The following CELA1 variants were observed in gnomAD, a reference collection of about 807,000 sequenced individuals.
CELA1 encodes chymotrypsin-like elastase family member 1.
In CELA1, 28 loss-of-function variants were observed where a neutral mutation model predicts 34.8. That is an observed-to-expected ratio of 0.80 (90% CI 0.60 to 1.10). The LOEUF is 1.10. Among genes scored for constraint, CELA1 ranks in the 50% least tolerant of loss-of-function variants. The pLI, the probability that CELA1 is intolerant of heterozygous loss-of-function variation, is 0.00. For missense variants in CELA1, 288 were observed against 327.5 expected, an observed-to-expected ratio of 0.88 and a Z score of 0.93; for synonymous variants, 140 against 129.8, an observed-to-expected ratio of 1.08 and a Z score of -0.53.
At chr12:51,333,752 C>G (rs931646716) in intron 6 of CELA1, among the ~76,000 whole-genome samples, 2 of 152,122 alleles carry the variant, frequency 1.3e-5, no homozygotes, top group African/African-American at 4.8e-5. Context: ...ATTTAGGAAA[C>G]GATGTTTTCT....
At position 51,340,003 on chromosome 12, in the gene CELA1, T is replaced by C. The variant is rs1270961920; in HGVS notation, c.466A>G (p.Asn156Asp). Residue 156 changes from asparagine (N) to aspartate (D), a missense_variant and splice_region_variant, in exon 6 of 8, where the codon AAT becomes GAT. Transcript: ENST00000293636. ...TGCAGGGTCTGGGCCAGCTGCCCAT[T>C]GGCTGAACAGGACACACGGCATTGG... ...YITGWGKTKT[N>D]GQLAQTLQQA... 6.2e-7 allele frequency: 1 copy of C among 1,613,164 alleles called. No individual in the cohort carries two copies. The highest frequency in any genetic ancestry group is 1.7e-5 in the Admixed American group (1 of 59,854).
intron 4 of CELA1, among the ~76,000 whole-genome samples, chr12:51,342,056 A>G (rs1657388255): frequency 6.6e-6 from 1 of 152,140 alleles, no homozygotes; most frequent in Non-Finnish European, 1.5e-5. Context: ...TCTTTTTCTT[A>G]TGAGACAGAG....
chr12:51,342,799 T>A (rs1946545548), intron 3 of CELA1, 99 bp from the exon 4 acceptor site: 3 of 1,364,736 alleles, frequency 2.2e-6, no homozygotes, highest in African/African-American at 3.0e-5. Flanking sequence ...TTTTAATCAT[T>A]ATTATTTAGG....
intron 6 of CELA1, among the ~76,000 whole-genome samples, chr12:51,337,562 A>AAG (rs1592296816): frequency 6.7e-6 from 1 of 150,068 alleles, no homozygotes; most frequent in Admixed American, 6.6e-5. Flanking sequence ...AAAAAAAAAA[A>AAG]GCAGCCATAA....
intron 2 of CELA1, 147 bp downstream of exon 2, chr12:51,345,648 C>A (rs1946561141): frequency 2.8e-6 from 2 of 713,936 alleles, no homozygotes; most frequent in Non-Finnish European, 5.0e-6. Context: ...ACCACCTAAG[C>A]CTGATCCCAT....
chr12:51,343,641 A>G (rs1946550345), intron 3 of CELA1, 112 bp downstream of exon 3: 10 of 664,636 alleles, frequency 1.5e-5, no homozygotes, highest in Non-Finnish European at 2.8e-5. Flanking sequence ...GAAAGGAGCC[A>G]CTGCCCAGTC....
intron 6 of CELA1, 125 bp downstream of exon 6, chr12:51,339,735 C>T (rs1387914721): frequency 2.3e-6 from 2 of 887,152 alleles, no homozygotes; most frequent in Non-Finnish European, 3.4e-6. Flanking sequence ...CACTTAGACG[C>T]CAGAGTAGAA....
At chr12:51,332,590 TGTG>T (rs754378084) in intron 6 of CELA1, among the ~76,000 whole-genome samples, 68 of 152,130 alleles carry the variant, frequency 4.5e-4, no homozygotes, top group Admixed American at 1.3e-3. Flanking sequence ...TGGGGCCAGG[TGTG>T]GTGGCTTACA....
Position 51,341,139 on chromosome 12 carries a change from T to C in CELA1, c.463+105A>G. ...TTGTATCTATGGTTCTTTTAGCTCC[T>C]GGTCTCTGGCCATAAGCACCTAGGA... On this transcript the variant is annotated intron_variant, in intron 5 of 7. Coordinates refer to ENST00000293636, the MANE Select transcript of CELA1 (RefSeq NM_001971.6). The C allele has an allele frequency of 4.2e-6, 5 of 1,190,928 alleles. No individual in the cohort carries two copies. The South Asian group carries it at 5.3e-5, about 13-fold the overall frequency. The allele number at this position is 1,190,928 out of a possible 1,614,324, so 73.8% of individuals were successfully genotyped here.
intron 6 of CELA1, 66 bp from the exon 7 acceptor site, chr12:51,329,899 C>T: frequency 6.9e-7 from 1 of 1,443,058 alleles, no homozygotes. Flanking sequence ...ACTCCCCCCG[C>T]CCCCGTCTCT....
At chr12:51,340,102 T>G in intron 5 of CELA1, 97 bp from the exon 6 acceptor site, 1 of 1,161,402 alleles carries the variant, frequency 8.6e-7, no homozygotes, top group South Asian at 1.5e-5. Flanking sequence ...TCGTGAAAGC[T>G]GAGCTCAGGG....
chr12:51,345,102 G>A (rs1946558518), intron 2 of CELA1, among the ~76,000 whole-genome samples: 1 of 149,876 alleles, frequency 6.7e-6, no homozygotes, highest in Admixed American at 6.7e-5. Context: ...TCTAGCCTGG[G>A]CAATGAGAGC....
At chr12:51,335,543 C>T (rs17860332) in intron 6 of CELA1, among the ~76,000 whole-genome samples, 8,907 of 152,020 alleles carry the variant, frequency 0.059, 757 homozygotes, top group East Asian at 0.3. Flanking sequence ...CGGGAGCCAC[C>T]GCGCCCGGCC....
chr12:51,340,147 A>G, intron 5 of CELA1, 142 bp from the exon 6 acceptor site: 1 of 707,230 alleles, frequency 1.4e-6, no homozygotes, highest in Non-Finnish European at 2.3e-6. Context: ...CATGTGGTGG[A>G]TCCTCTGTCT....
intron 4 of CELA1, among the ~76,000 whole-genome samples, chr12:51,342,035 A>G (rs945541514): frequency 3.3e-5 from 5 of 152,060 alleles, no homozygotes; most frequent in African/African-American, 1.2e-4. Flanking sequence ...AGCCCTCCAG[A>G]ACGTCAGTTC....
chr12:51,332,203 A>C (rs1946474262), intron 6 of CELA1, among the ~76,000 whole-genome samples: 1 of 151,692 alleles, frequency 6.6e-6, no homozygotes, highest in South Asian at 2.1e-4. Context: ...AAAAAAAAAA[A>C]AGTTATGCAG....
intron 6 of CELA1, among the ~76,000 whole-genome samples, chr12:51,333,689 A>T (rs1434088687): frequency 6.6e-6 from 1 of 152,154 alleles, no homozygotes; most frequent in Non-Finnish European, 1.5e-5. Context: ...CACCACGCCC[A>T]GTCAAGGGTA....
rs997879770 is a variant in CELA1, at chr12:51,329,609, C to T, written c.759+75G>A. The T allele has an allele frequency of 6.9e-5, 99 of 1,441,306 alleles. No homozygotes were observed. In the Middle Eastern group the frequency reaches 2.0e-3, roughly 30 times the overall value. The allele number at this position is 1,441,306 out of a possible 1,614,324, so 89.3% of individuals were successfully genotyped here. A position where few individuals can be genotyped will look rare whatever the true frequency, so the allele number is the denominator to read the frequency against. ...ATGACGGCTTGCCCAGTCCATCCAA[C>T]GTTTGTTCCCCAACCCAGCCAGTGC... On this transcript the variant is annotated intron_variant, in intron 7 of 7. Coordinates refer to ENST00000293636, the MANE Select transcript of CELA1 (RefSeq NM_001971.6).
intron 6 of CELA1, among the ~76,000 whole-genome samples, chr12:51,337,390 A>T (rs905904049): frequency 2.0e-5 from 3 of 152,044 alleles, no homozygotes; most frequent in Non-Finnish European, 2.9e-5. Context: ...AAACAAAATT[A>T]GCTGGGTGTG....
Sources: allele counts gnomAD v4.1 joint callset (sites outside exome capture counted in the v4.1 genomes callset), GRCh38; gene constraint gnomAD v4.1.1; transcripts MANE v1.5; gene names NCBI Gene and HGNC (gene_info 2026-07-23, HGNC 2026-07-21).